P2RX7: variants seen among roughly 807,000 people sequenced by gnomAD.
The protein encoded by P2RX7 is P2X purinoceptor 7.
A neutral mutation model predicts 71.6 loss-of-function variants in P2RX7; 62 were observed. The observed-to-expected ratio is 0.87, with a 90% CI of 0.71 to 1.07. The LOEUF (loss-of-function observed/expected upper bound fraction) is 1.07. P2RX7 is among the 50% of genes least tolerant of loss of function. The pLI, the probability that P2RX7 is intolerant of heterozygous loss-of-function variation, is 0.00. For synonymous variants in P2RX7, 299 were observed against 283.3 expected (o/e 1.06, Z -0.56); for missense variants, 686 against 748.5 (o/e 0.92, Z 0.97).
chr12:121,170,635 C>T (rs1248586348), intron 8 of P2RX7, among the ~76,000 whole-genome samples: 2 of 152,028 alleles, frequency 1.3e-5, no homozygotes, highest in South Asian at 2.1e-4. Flanking sequence ...ATTAGCTGGA[C>T]GTGGTGACAG....
At chr12:121,153,393 T>C (rs970359059) in intron 1 of P2RX7, among the ~76,000 whole-genome samples, 3 of 152,162 alleles carry the variant, frequency 2.0e-5, no homozygotes, top group Non-Finnish European at 4.4e-5. Flanking sequence ...ACAAACCCTT[T>C]AGGGCTGGGT....
intron 8 of P2RX7, among the ~76,000 whole-genome samples, chr12:121,170,931 T>C (rs1405739008): frequency 6.6e-6 from 1 of 152,174 alleles, no homozygotes; most frequent in Non-Finnish European, 1.5e-5. Flanking sequence ...AAGAAGTTGA[T>C]CACATTACAG....
chr12:121,168,267 T>C (rs578015303), intron 8 of P2RX7, among the ~76,000 whole-genome samples: 1 of 149,288 alleles, frequency 6.7e-6, no homozygotes, highest in South Asian at 2.1e-4. Context: ...AGTGTTTTCT[T>C]TTCTTTTCTT....
chr12:121,154,769 C>T lies in P2RX7; in HGVS notation c.126-16C>T. On this transcript the variant is annotated splice_polypyrimidine_tract_variant and intron_variant, in intron 1 of 12. Transcript: ENST00000328963. The surrounding 1 kb of genome is among the most constrained non-coding windows in gnomAD (Gnocchi z 4.2). ...GCTATGCCTCCCGTTGATGCTTTCCCATGTCTGCCATTTAGCTTTGCTCTG... is the reference window on the plus strand; with the variant it reads ...GCTATGCCTCCCGTTGATGCTTTCCTATGTCTGCCATTTAGCTTTGCTCTG... The T allele has an allele frequency of 1.3e-6, 2 of 1,569,662 alleles. No homozygotes were observed. Among genetic ancestry groups the T allele is most frequent in the Non-Finnish European group, 1.8e-6 (2 of 1,139,388 alleles).
Position 121,165,360 on chromosome 12 carries a change from TG to T in P2RX7, c.538del (p.Ala180LeufsTer3). 1.9e-6 allele frequency: 3 copies of T among 1,613,878 alleles called. No individual in the cohort carries two copies. The highest frequency in any genetic ancestry group is 2.5e-6 in the Non-Finnish European group (3 of 1,179,814). ...IEAVEEAPRP[A>X]LLNSAENFTV... ...ATTTTGCATGTCTCTCTCCCAGGCC[TG>T]CTCTCTTGAACAGTGCCGAAAACTT... is the stretch of plus-strand genomic sequence containing the variant. On this transcript the variant is annotated frameshift_variant, in exon 6 of 13. Coordinates refer to ENST00000328963, the MANE Select transcript of P2RX7 (RefSeq NM_002562.6). LOFTEE classifies it high-confidence loss of function.
Position 121,185,430 on chromosome 12 carries a change from T to A in P2RX7, c.*628T>A, listed in dbSNP as rs952970825. 2 of 152,774 alleles carry A rather than the reference T, an allele frequency of 1.3e-5. No homozygotes were observed. The highest frequency in any genetic ancestry group is 4.8e-5 in the African/African-American group (2 of 41,448). The allele number at this position is 152,774 out of a possible 1,614,324, so 9.5% of individuals were successfully genotyped here. On this transcript the variant is annotated 3_prime_UTR_variant, in exon 13 of 13. Coordinates refer to ENST00000328963, the MANE Select transcript of P2RX7 (RefSeq NM_002562.6). ...TGAGGACAAATTGAGACAGTGCACA[T>A]GAACTGTCTTTTAATGTGTAAAGAT...
chr12:121,184,124 C>T (rs1331171263), intron 12 of P2RX7, among the ~76,000 whole-genome samples, 181 bp from the exon 13 acceptor site: 2 of 151,882 alleles, frequency 1.3e-5, no homozygotes, highest in African/African-American at 2.4e-5. Context: ...CAAGCGTCTT[C>T]AAAGGCCTGA....
intron 2 of P2RX7, 197 bp downstream of exon 2, chr12:121,155,150 A>C: frequency 6.7e-7 from 1 of 1,494,642 alleles, no homozygotes; most frequent in Non-Finnish European, 9.0e-7. Flanking sequence ...TTGCTTTATC[A>C]AGTCCTACAG....
chr12:121,159,964 T>C (rs1171240949), intron 3 of P2RX7, among the ~76,000 whole-genome samples: 1 of 152,200 alleles, frequency 6.6e-6, no homozygotes, highest in East Asian at 1.9e-4. Flanking sequence ...TATTTATTTG[T>C]ATTGGGATAT....
In P2RX7 at chr12:121,167,426, G is replaced by A. The variant is rs1042787927; in HGVS notation, c.745-62G>A. On this transcript the variant is annotated intron_variant, in intron 7 of 12. Transcript: ENST00000328963. ...AGCAATCCTGGCTATGCAGGGAGAT[G>A]TCTGGCGGTTGCGTAACTCACACCC... is the stretch of plus-strand genomic sequence containing the variant. The A allele has an allele frequency of 4.4e-5, 70 of 1,594,290 alleles. No homozygotes were observed. The South Asian group carries it at 7.6e-4, about 17-fold the overall frequency.
intron 1 of P2RX7, among the ~76,000 whole-genome samples, chr12:121,134,107 C>T (rs766889297): frequency 7.9e-5 from 12 of 152,180 alleles, no homozygotes; most frequent in South Asian, 2.1e-4. Context: ...CATTGATGGA[C>T]ATTGGGGTTG....
At chr12:121,159,891 C>A (rs977908927) in intron 3 of P2RX7, among the ~76,000 whole-genome samples, 1 of 152,176 alleles carries the variant, frequency 6.6e-6, no homozygotes, top group African/African-American at 2.4e-5. Flanking sequence ...CACCTGTCCC[C>A]CATCCCAGCC....
At chr12:121,179,500 CA>C (rs35332034) in intron 11 of P2RX7, among the ~76,000 whole-genome samples, 42,598 of 117,292 alleles carry the variant, frequency 0.36, 6,756 homozygotes, top group African/African-American at 0.47. Flanking sequence ...AACTCCGTCT[CA>C]AAAAAAAAAA....
chr12:121,183,036 G>C (rs1884381941), intron 12 of P2RX7, among the ~76,000 whole-genome samples: 1 of 151,882 alleles, frequency 6.6e-6, no homozygotes, highest in African/African-American at 2.4e-5. Flanking sequence ...AAATAGCCAG[G>C]CATGGTGGCA....
intron 4 of P2RX7, 55 bp from the exon 5 acceptor site, chr12:121,162,369 G>C: frequency 1.2e-6 from 2 of 1,603,872 alleles, no homozygotes; most frequent in Admixed American, 3.4e-5. Context: ...CCTGGAGAAC[G>C]TCCTCTCCGC....
chr12:121,162,066 C>A (rs1445030804), intron 4 of P2RX7, among the ~76,000 whole-genome samples: 1 of 152,126 alleles, frequency 6.6e-6, no homozygotes, highest in African/African-American at 2.4e-5. Context: ...AGGCTGTGTA[C>A]CCCTTGAGGG....
chr12:121,158,275 G>T (rs1445941267), intron 3 of P2RX7, among the ~76,000 whole-genome samples: 1 of 152,184 alleles, frequency 6.6e-6, no homozygotes, highest in Non-Finnish European at 1.5e-5. Flanking sequence ...ACTGAGTTCA[G>T]CTGGTTGGTT....
chr12:121,156,169 G>A (rs1351003580), intron 3 of P2RX7, 22 bp downstream of exon 3: 1 of 1,601,338 alleles, frequency 6.2e-7, no homozygotes, highest in Admixed American at 1.7e-5. Flanking sequence ...ACCTGGAGTG[G>A]TGGGTCAGGT....
intron 8 of P2RX7, among the ~76,000 whole-genome samples, chr12:121,168,505 G>A (rs1881576147): frequency 6.6e-6 from 1 of 152,084 alleles, no homozygotes; most frequent in Non-Finnish European, 1.5e-5. Flanking sequence ...TTGACCTCAA[G>A]TGATCTTCCC....
Sources: gnomAD v4.1 joint callset for allele counts (sites outside exome capture counted in the v4.1 genomes callset) on GRCh38, gnomAD v4.1.1 for gene constraint, Gnocchi (gnomAD v3.1) non-coding constraint, MANE v1.5 for transcripts, NCBI Gene and HGNC (gene_info 2026-07-23, HGNC 2026-07-21) for gene names.